CNTNAP2: variants seen among roughly 807,000 people sequenced by gnomAD.
The protein encoded by CNTNAP2 is contactin-associated protein-like 2.
In CNTNAP2, 98 loss-of-function variants were observed where a neutral mutation model predicts 155.2. That is an observed-to-expected ratio of 0.63 (90% CI 0.54 to 0.75). The LOEUF is 0.75. Ranked by LOEUF, CNTNAP2 falls within the 30% of genes least tolerant of loss-of-function variation. The pLI is 0.00. For missense variants in CNTNAP2, 1,727 were observed against 1,688.1 expected (o/e 1.02, Z -0.40); for synonymous variants, 651 against 631.2 (o/e 1.03, Z -0.47).
At chr7:147,389,518 T>C (rs1259436927) in intron 9 of CNTNAP2, among the ~76,000 whole-genome samples, 1 of 152,220 alleles carries the variant, frequency 6.6e-6, no homozygotes. Flanking sequence ...ATTTCTGAAT[T>C]AAAATTTTAA....
At chr7:147,818,346 A>T (rs150188444) in intron 13 of CNTNAP2, among the ~76,000 whole-genome samples, 3,760 of 152,342 alleles carry the variant, frequency 0.025, 73 homozygotes, top group Non-Finnish European at 0.038. Context: ...AATACAATTT[A>T]TATGAAATTT....
intron 11 of CNTNAP2, among the ~76,000 whole-genome samples, chr7:147,560,591 T>G (rs1332638003): frequency 6.6e-6 from 1 of 152,022 alleles, no homozygotes; most frequent in African/African-American, 2.4e-5. Context: ...CATCCTCTTC[T>G]AAGAGCAGTT....
intron 1 of CNTNAP2, among the ~76,000 whole-genome samples, chr7:146,410,470 T>C (rs897954894): frequency 1.3e-5 from 2 of 152,194 alleles, no homozygotes; most frequent in African/African-American, 2.4e-5. Flanking sequence ...ATTGGAACTC[T>C]TAAGGGGCAC....
intron 14 of CNTNAP2, among the ~76,000 whole-genome samples, chr7:147,977,061 T>A (rs1010490830): frequency 1.3e-5 from 2 of 152,136 alleles, no homozygotes; most frequent in Non-Finnish European, 2.9e-5. Flanking sequence ...AGGTGAAATC[T>A]GTGCTGCACG....
At chr7:147,982,084 A>T (rs1372769967) in intron 15 of CNTNAP2, among the ~76,000 whole-genome samples, 1 of 152,176 alleles carries the variant, frequency 6.6e-6, no homozygotes, top group African/African-American at 2.4e-5. Context: ...AAACTTTCAT[A>T]CTTTCATGAA....
At position 146,636,387 on chromosome 7, in the gene CNTNAP2, A is replaced by G. The variant is rs373214428; in HGVS notation, c.98-137884A>G. Among the ~76,000 whole-genome samples the G allele has an allele frequency of 3.3e-5, 5 of 152,238 alleles. No individual in the cohort carries two copies. The East Asian group carries it at 5.8e-4, about 18-fold the overall frequency. On this transcript the variant is annotated intron_variant, in intron 1 of 23. Transcript: ENST00000361727. ...TGAAGATTCAGATAAACATACACAC[A>G]CATATGAAATTCAGGAGGTGTTACT...
At chr7:146,811,513 T>A (rs1413401313) in intron 2 of CNTNAP2, among the ~76,000 whole-genome samples, 1 of 152,120 alleles carries the variant, frequency 6.6e-6, no homozygotes, top group Non-Finnish European at 1.5e-5. Context: ...TTATTTACTT[T>A]GTTAGTCTTT....
At chr7:147,243,194 C>T (rs982654879) in intron 8 of CNTNAP2, among the ~76,000 whole-genome samples, 1 of 151,576 alleles carries the variant, frequency 6.6e-6, no homozygotes, top group African/African-American at 2.4e-5. Context: ...GATGGGGTTT[C>T]ACCATGTTGG....
intron 11 of CNTNAP2, among the ~76,000 whole-genome samples, chr7:147,487,004 T>C (rs1185003949): frequency 6.6e-6 from 1 of 152,008 alleles, no homozygotes; most frequent in Non-Finnish European, 1.5e-5. Flanking sequence ...ATCCTCCGAT[T>C]ATACAAACAG....
rs112673696 is a variant in CNTNAP2 at position 148,302,623 on chromosome 7, T to C, written c.3475+35497T>C. ...GAGGGTGGTTTGCCCCGCGCTGTTCTCAGGATAGTGAGTGAGTTCTCACAA... is the reference window on the plus strand; with the variant it reads ...GAGGGTGGTTTGCCCCGCGCTGTTCCCAGGATAGTGAGTGAGTTCTCACAA... On this transcript the variant is annotated intron_variant, in intron 21 of 23. Transcript: ENST00000361727. Among the ~76,000 whole-genome samples the C allele has an allele frequency of 1.1e-3, 173 of 152,236 alleles. 1 individual carries two copies. The highest frequency in any genetic ancestry group is 4.1e-3 in the African/African-American group (170 of 41,550).
At chr7:146,996,156 G>C (rs1196515844) in intron 3 of CNTNAP2, among the ~76,000 whole-genome samples, 2 of 151,946 alleles carry the variant, frequency 1.3e-5, no homozygotes, top group African/African-American at 4.8e-5. Context: ...ATTTATTAAA[G>C]AGACTGTTTT....
At position 147,083,305 on chromosome 7, in the gene CNTNAP2, C is replaced by T. The variant is rs572562050; in HGVS notation, c.551-24842C>T. On this transcript the variant is annotated intron_variant, in intron 4 of 23. Coordinates refer to ENST00000361727, the MANE Select transcript of CNTNAP2 (RefSeq NM_014141.6). ...AAACACTGTCTGCTACAGTTCATAA[C>T]GTAGTTTCGAGAGCCTTCAAAAGTA... 4.6e-5 allele frequency: 7 copies of T among 152,016 alleles called. 1 individual carries two copies. Among genetic ancestry groups the T allele is most frequent in the African/African-American group, 1.4e-4 (6 of 41,466 alleles). 9.4% of individuals were successfully genotyped at this position (152,016 alleles called of 1,614,324 possible).
chr7:148,386,091 T>G (rs1212117580), intron 22 of CNTNAP2, among the ~76,000 whole-genome samples: 1 of 152,208 alleles, frequency 6.6e-6, no homozygotes, highest in Non-Finnish European at 1.5e-5. Flanking sequence ...AAATCCAAAT[T>G]CTGTAATTCT....
chr7:146,157,545 G>T (rs145008674), intron 1 of CNTNAP2, among the ~76,000 whole-genome samples: 2 of 152,056 alleles, frequency 1.3e-5, no homozygotes, highest in Admixed American at 1.3e-4. Context: ...CTAATACAGC[G>T]CTTTTCCAAT....
At chr7:147,974,794 C>G (rs34496591) in intron 14 of CNTNAP2, among the ~76,000 whole-genome samples, 20,303 of 151,936 alleles carry the variant, frequency 0.13, 2,190 homozygotes, top group African/African-American at 0.3. Context: ...TACTTTATGA[C>G]CCAGCATTTC....
intron 3 of CNTNAP2, among the ~76,000 whole-genome samples, chr7:146,992,656 C>A (rs1019156682): frequency 2.0e-4 from 31 of 152,170 alleles, no homozygotes; most frequent in African/African-American, 7.2e-4. Flanking sequence ...TCTCTGGGGA[C>A]CCCTTTGTAC....
At chr7:147,876,434 T>A (rs1043073638) in intron 13 of CNTNAP2, among the ~76,000 whole-genome samples, 2 of 152,140 alleles carry the variant, frequency 1.3e-5, no homozygotes, top group Admixed American at 6.5e-5. Context: ...GAACTTCGAT[T>A]TGTGTGTGTT....
chr7:147,678,209 A>T (rs1263466052), intron 13 of CNTNAP2, among the ~76,000 whole-genome samples: 1 of 151,788 alleles, frequency 6.6e-6, no homozygotes, highest in African/African-American at 2.4e-5. Context: ...ATCAATACTC[A>T]GCTATCCAAA....
At chr7:147,302,194 G>A (rs1370681768) in intron 9 of CNTNAP2, among the ~76,000 whole-genome samples, 1 of 152,176 alleles carries the variant, frequency 6.6e-6, no homozygotes, top group Non-Finnish European at 1.5e-5. Context: ...TCATTGCTAT[G>A]ATCACAAATA....
Sources: allele counts gnomAD v4.1 joint callset (sites outside exome capture counted in the v4.1 genomes callset), GRCh38; gene constraint gnomAD v4.1.1; transcripts MANE v1.5; gene names NCBI Gene and HGNC (gene_info 2026-07-23, HGNC 2026-07-21).